The following CACNA2D2 variants were observed in gnomAD, a reference collection of about 807,000 sequenced individuals.
The protein encoded by CACNA2D2 is calcium voltage-gated channel auxiliary subunit alpha2delta 2.
CACNA2D2 carries 48 observed loss-of-function variants against 166.4 expected under a neutral mutation model. The ratio of observed to expected loss-of-function variants is 0.29; its 90% confidence interval spans 0.23 to 0.37. The LOEUF (loss-of-function observed/expected upper bound fraction) is 0.37. Among genes scored for constraint, CACNA2D2 ranks in the 10% least tolerant of loss-of-function variants. The pLI is 1.00. For missense variants in CACNA2D2, 1,122 were observed against 1,433.0 expected (o/e 0.78, Z 3.50); for synonymous variants, 561 against 573.7 (o/e 0.98, Z 0.32).
chr3:50,424,684 C>T (rs923115444), intron 3 of CACNA2D2, among the ~76,000 whole-genome samples: 3 of 152,178 alleles, frequency 2.0e-5, no homozygotes, highest in Non-Finnish European at 2.9e-5. Flanking sequence ...TAACCTACTA[C>T]GATGCCAGCA....
intron 2 of CACNA2D2, among the ~76,000 whole-genome samples, chr3:50,436,038 G>A (rs1459161979): frequency 6.6e-6 from 1 of 152,210 alleles, no homozygotes; most frequent in Non-Finnish European, 1.5e-5. Context: ...CTGAGGAAAG[G>A]CAGGGAACCT....
Position 50,366,490 on chromosome 3 carries a change from C to CA in CACNA2D2, c.2637+87dup, listed in dbSNP as rs957508991. ...GGTGGGGATGTTGAGACCCACAGGC[C>CA]AAGGGATGTGCTGGGAGTCGCGGCT... On this transcript the variant is annotated intron_variant, in intron 30 of 37. Transcript: ENST00000424201. This position sits in a 1 kb window ranked among gnomAD's most constrained non-coding sequence, Gnocchi z 5.9. The CA allele has an allele frequency of 6.6e-7, 1 of 1,518,314 alleles. No homozygotes were observed. Among genetic ancestry groups the CA allele is most frequent in the African/African-American group, 1.4e-5 (1 of 73,016 alleles). The allele number at this position is 1,518,314 out of a possible 1,614,324, so 94.1% of individuals were successfully genotyped here.
At chr3:50,435,072 C>T (rs943894219) in intron 2 of CACNA2D2, among the ~76,000 whole-genome samples, 3 of 152,100 alleles carry the variant, frequency 2.0e-5, no homozygotes, top group Non-Finnish European at 4.4e-5. Context: ...AATGAATCTG[C>T]CCAGCCTTCC....
rs1315794794 is a variant in CACNA2D2 at position 50,379,413 on chromosome 3, G to A, written c.1152+19C>T. ...CCTCTACTCCCCCAGCCGCCCACTT[G>A]CCCACCCATGGGGCTCACGTTCTGC... On this transcript the variant is annotated intron_variant, in intron 11 of 37. Transcript: ENST00000424201. This position sits in a 1 kb window ranked among gnomAD's most constrained non-coding sequence, Gnocchi z 6.5. 1 of 1,610,748 alleles carries A rather than the reference G, an allele frequency of 6.2e-7. No homozygotes were observed. Among genetic ancestry groups the A allele is most frequent in the South Asian group, 1.1e-5 (1 of 90,924 alleles).
At chr3:50,426,863 G>C (rs1707829707) in intron 3 of CACNA2D2, among the ~76,000 whole-genome samples, 1 of 152,176 alleles carries the variant, frequency 6.6e-6, no homozygotes, top group Admixed American at 6.5e-5. Context: ...GGTGGCTGAA[G>C]ACAAGAGAAT....
intron 2 of CACNA2D2, among the ~76,000 whole-genome samples, chr3:50,450,783 T>A (rs895960361): frequency 1.3e-5 from 2 of 152,186 alleles, no homozygotes; most frequent in African/African-American, 4.8e-5. Flanking sequence ...CTCCCCTCCC[T>A]GCCCACAGTC....
At chr3:50,454,012 C>T (rs1313245002) in intron 2 of CACNA2D2, among the ~76,000 whole-genome samples, 3 of 152,186 alleles carry the variant, frequency 2.0e-5, no homozygotes, top group South Asian at 2.1e-4. Flanking sequence ...ACCCGGGTTC[C>T]GGTGCCTGCT....
intron 4 of CACNA2D2, among the ~76,000 whole-genome samples, chr3:50,388,865 C>A (rs1368984216): frequency 2.0e-5 from 3 of 152,178 alleles, no homozygotes; most frequent in African/African-American, 4.8e-5. Flanking sequence ...CAGGCTTAGT[C>A]CCAGCATTCT....
intron 3 of CACNA2D2, among the ~76,000 whole-genome samples, chr3:50,424,194 T>G: frequency 6.6e-6 from 1 of 152,320 alleles, no homozygotes; most frequent in Non-Finnish European, 1.5e-5. Flanking sequence ...CTACCTTCTA[T>G]GCTCTGGTTC....
chr3:50,367,373 G>C lies in CACNA2D2; in HGVS notation c.2401+21C>G, dbSNP rs1167531522. 6.1e-5 allele frequency: 97 copies of C among 1,602,952 alleles called. No individual in the cohort carries two copies. Among genetic ancestry groups the C allele is most frequent in the Non-Finnish European group, 8.0e-5 (94 of 1,170,552 alleles). ...GCTGAGGCTCCCTGCCTGCTGCTGG[G>C]CACACTGCGGGGACACTCACCATCC... On this transcript the variant is annotated intron_variant, in intron 27 of 37. Coordinates refer to ENST00000424201, the MANE Select transcript of CACNA2D2 (RefSeq NM_006030.4). This position sits in a 1 kb window ranked among gnomAD's most constrained non-coding sequence, Gnocchi z 6.5.
intron 4 of CACNA2D2, among the ~76,000 whole-genome samples, chr3:50,390,954 G>A (rs1026628491): frequency 6.6e-6 from 1 of 152,272 alleles, no homozygotes; most frequent in African/African-American, 2.4e-5. Context: ...CTGCACCAGT[G>A]AGGACGCTTG....
chr3:50,381,386 G>T (rs887370129), intron 6 of CACNA2D2, among the ~76,000 whole-genome samples: 1 of 152,128 alleles, frequency 6.6e-6, no homozygotes, highest in Non-Finnish European at 1.5e-5. Context: ...AGGCAGGGCA[G>T]CTGTGGCTGG....
chr3:50,386,827 T>G (rs1705633798), intron 5 of CACNA2D2, among the ~76,000 whole-genome samples: 2 of 152,180 alleles, frequency 1.3e-5, no homozygotes, highest in South Asian at 4.1e-4. Flanking sequence ...CCAACTACTT[T>G]TGCCTTAAAG....
At chr3:50,440,692 T>C (rs1308042439) in intron 2 of CACNA2D2, among the ~76,000 whole-genome samples, 2 of 152,048 alleles carry the variant, frequency 1.3e-5, no homozygotes, top group Non-Finnish European at 2.9e-5. Context: ...GGCCCATTAA[T>C]AGCACTATCC....
intron 2 of CACNA2D2, among the ~76,000 whole-genome samples, chr3:50,460,853 CA>C (rs1288937273): frequency 1.7e-5 from 2 of 120,670 alleles, no homozygotes; most frequent in Admixed American, 8.7e-5. Flanking sequence ...GACTCCGTCT[CA>C]AAAAAAAAGA....
intron 1 of CACNA2D2, among the ~76,000 whole-genome samples, chr3:50,495,653 T>C (rs1459486470): frequency 1.3e-5 from 2 of 152,240 alleles, no homozygotes; most frequent in African/African-American, 4.8e-5. Context: ...CCACAGTGTC[T>C]TGCTGCGGGG....
At position 50,364,918 on chromosome 3, in the gene CACNA2D2, G is replaced by C. The variant is rs373745348; in HGVS notation, c.3261C>G (p.Gly1087=). Residue 1087 remains glycine (G), a synonymous_variant, in exon 37 of 38, where the codon GGC becomes GGG. Transcript: ENST00000424201. The part of the protein sequence containing the change: ...ELVQRPRYRR[G]PHICFDYNAT... ...CGTTGTAGTCGAAGCAGATGTGCGG[G>C]CCTCTCCGGTATCGCGGTCTCTGCA... 3.1e-6 allele frequency: 5 copies of C among 1,613,246 alleles called. No homozygotes were observed. The African/African-American group carries it at 6.7e-5, about 22-fold the overall frequency.
At chr3:50,405,506 T>C (rs1267796707) in intron 3 of CACNA2D2, among the ~76,000 whole-genome samples, 1 of 152,068 alleles carries the variant, frequency 6.6e-6, no homozygotes. Flanking sequence ...GGTGTTATCT[T>C]GCCCAGGCCC....
At chr3:50,368,265 G>T in intron 23 of CACNA2D2, 30 bp from the exon 24 acceptor site, 1 of 1,400,324 alleles carries the variant, frequency 7.1e-7, no homozygotes, top group Non-Finnish European at 1.0e-6. Flanking sequence ...AGAAGAGTGG[G>T]CTTGGGGGGC....
Sources: gnomAD v4.1 joint callset for allele counts (sites outside exome capture counted in the v4.1 genomes callset) on GRCh38, gnomAD v4.1.1 for gene constraint, Gnocchi (gnomAD v3.1) non-coding constraint, MANE v1.5 for transcripts, NCBI Gene and HGNC (gene_info 2026-07-23, HGNC 2026-07-21) for gene names.